Variants in TDRD5 observed in about 807,000 individuals in gnomAD.
TDRD5 encodes tudor domain containing 5, also known as tudor domain-containing protein 5.
A neutral mutation model predicts 120.6 loss-of-function variants in TDRD5; 41 were observed. The observed-to-expected ratio is 0.34, with a 90% CI of 0.26 to 0.44. TDRD5 has a LOEUF of 0.44. Ranked by LOEUF, TDRD5 falls within the 20% of genes least tolerant of loss-of-function variation. The probability of loss-of-function intolerance (pLI) is 1.00; values close to 1 mark genes in which losing one functional copy is unlikely to be tolerated. For synonymous variants in TDRD5, 430 were observed against 433.7 expected, an observed-to-expected ratio of 0.99 and a Z score of 0.11; for missense variants, 1,006 against 1,221.2, an observed-to-expected ratio of 0.82 and a Z score of 2.63.
intron 11 of TDRD5, among the ~76,000 whole-genome samples, chr1:179,646,810 A>G (rs1381019371): frequency 2.6e-5 from 4 of 152,062 alleles, no homozygotes; most frequent in African/African-American, 9.7e-5. Flanking sequence ...TACACCAACA[A>G]CAGACAGAGA....
chr1:179,685,853 T>TG (rs1375818448), intron 17 of TDRD5, among the ~76,000 whole-genome samples: 1 of 152,208 alleles, frequency 6.6e-6, no homozygotes, highest in Non-Finnish European at 1.5e-5. Flanking sequence ...TGTCTGTTAT[T>TG]GGTGTATAGT....
intron 17 of TDRD5, among the ~76,000 whole-genome samples, chr1:179,679,208 T>C (rs1442925275): frequency 6.6e-6 from 1 of 152,080 alleles, no homozygotes; most frequent in East Asian, 1.9e-4. Context: ...ATTCCTGGGA[T>C]AATGCCCTCG....
intron 6 of TDRD5, 57 bp from the exon 7 acceptor site, chr1:179,630,710 A>G (rs1386762591): frequency 9.6e-6 from 15 of 1,555,858 alleles, no homozygotes; most frequent in Middle Eastern, 1.8e-4. Flanking sequence ...ACAACTATAT[A>G]TGTTATATAT....
chr1:179,659,741 A>G (rs1679198176), intron 14 of TDRD5, among the ~76,000 whole-genome samples: 1 of 152,036 alleles, frequency 6.6e-6, no homozygotes, highest in Non-Finnish European at 1.5e-5. Context: ...CTTGTTTCCC[A>G]GGCTGGAGTG....
chr1:179,606,529 GTTATC>G (rs1035448017), intron 4 of TDRD5, among the ~76,000 whole-genome samples: 3 of 151,994 alleles, frequency 2.0e-5, no homozygotes, highest in East Asian at 3.9e-4. Flanking sequence ...GTCAGCTAGT[GTTATC>G]TTATGTTATC....
intron 8 of TDRD5, 148 bp downstream of exon 8, chr1:179,634,777 A>G (rs1257972781): frequency 9.3e-6 from 9 of 965,836 alleles, no homozygotes; most frequent in Non-Finnish European, 1.3e-5. Context: ...TATTGAAGTT[A>G]TGTCATATAG....
intron 8 of TDRD5, among the ~76,000 whole-genome samples, chr1:179,635,070 A>G (rs936853957): frequency 2.0e-5 from 3 of 151,664 alleles, no homozygotes; most frequent in Non-Finnish European, 2.9e-5. Context: ...CCCATTACTT[A>G]TTTTGTTGTT....
chr1:179,688,032 T>C (rs1284190991), intron 17 of TDRD5, among the ~76,000 whole-genome samples: 2 of 152,240 alleles, frequency 1.3e-5, no homozygotes, highest in Non-Finnish European at 2.9e-5. Context: ...TTGGAGCATT[T>C]AGCCCATTTA....
intron 4 of TDRD5, among the ~76,000 whole-genome samples, chr1:179,599,580 G>A (rs573726950): frequency 1.3e-5 from 2 of 151,210 alleles, no homozygotes; most frequent in South Asian, 4.2e-4. Context: ...CTTTCGAGGT[G>A]CTGTCCATTT....
At chr1:179,680,248 G>A (rs1166881276) in intron 17 of TDRD5, among the ~76,000 whole-genome samples, 4 of 151,952 alleles carry the variant, frequency 2.6e-5, no homozygotes, top group Admixed American at 6.6e-5. Context: ...TGCTTTACCT[G>A]TACTTTAGAA....
At chr1:179,619,494 A>G (rs927779767) in intron 5 of TDRD5, among the ~76,000 whole-genome samples, 5 of 152,088 alleles carry the variant, frequency 3.3e-5, no homozygotes, top group Admixed American at 1.3e-4. Flanking sequence ...ACTGCCTTAT[A>G]TTATTCCATT....
intron 6 of TDRD5, among the ~76,000 whole-genome samples, chr1:179,625,824 A>G (rs893363727): frequency 1.3e-5 from 2 of 152,346 alleles, no homozygotes; most frequent in South Asian, 4.1e-4. Flanking sequence ...CATATGTCCA[A>G]CAATGATAGA....
intron 1 of TDRD5, 186 bp from the exon 2 acceptor site, chr1:179,592,416 G>C: frequency 1.8e-6 from 1 of 552,722 alleles, no homozygotes; most frequent in Non-Finnish European, 3.2e-6. Flanking sequence ...CTTAATCAAC[G>C]CAGGTGGAGA....
At chr1:179,614,316 G>A (rs1164668890) in intron 4 of TDRD5, among the ~76,000 whole-genome samples, 1 of 152,042 alleles carries the variant, frequency 6.6e-6, no homozygotes, top group Non-Finnish European at 1.5e-5. Flanking sequence ...GTATCAATGT[G>A]CCATGATTTT....
In TDRD5 at chr1:179,668,486, G is replaced by A. The variant is rs190120655; in HGVS notation, c.2650-708G>A. On this transcript the variant is annotated intron_variant, in intron 16 of 17. Transcript: ENST00000444136. ...AGCATTATGCTAAGTGAAAGAAGAC[G>A]TAGTATCACCTACCTAGGACACCTG... Among the ~76,000 whole-genome samples the A allele has an allele frequency of 4.2e-3, 647 of 152,296 alleles. 2 individuals carry two copies. The highest frequency in any genetic ancestry group is 0.015 in the African/African-American group (614 of 41,564).
intron 17 of TDRD5, among the ~76,000 whole-genome samples, chr1:179,671,140 A>G (rs1466675617): frequency 6.6e-6 from 1 of 152,208 alleles, no homozygotes; most frequent in Admixed American, 6.5e-5. Flanking sequence ...ACCTTTGCCA[A>G]AAGTCAATAG....
chr1:179,675,282 T>TTA (rs1680083637), intron 17 of TDRD5, among the ~76,000 whole-genome samples: 2 of 129,584 alleles, frequency 1.5e-5, no homozygotes, highest in African/African-American at 3.0e-5. Context: ...TATTTTTTTT[T>TTA]TTTTTTTTTT....
chr1:179,620,808 T>G (rs531316952), intron 5 of TDRD5, among the ~76,000 whole-genome samples: 1 of 152,262 alleles, frequency 6.6e-6, no homozygotes, highest in East Asian at 1.9e-4. Context: ...TGCAGTAGCA[T>G]GTAATAATCA....
At chr1:179,681,357 C>G (rs972413073) in intron 17 of TDRD5, among the ~76,000 whole-genome samples, 3 of 152,178 alleles carry the variant, frequency 2.0e-5, no homozygotes, top group African/African-American at 7.2e-5. Context: ...CCCATGCCAG[C>G]CTTTTAGCTA....
Sources: allele counts gnomAD v4.1 joint callset (sites outside exome capture counted in the v4.1 genomes callset), GRCh38; gene constraint gnomAD v4.1.1; transcripts MANE v1.5; gene names NCBI Gene and HGNC (gene_info 2026-07-23, HGNC 2026-07-21).